TSHZ3: variants seen among roughly 807,000 people sequenced by gnomAD.
TSHZ3 encodes the protein teashirt zinc finger homeobox 3, also known as teashirt homolog 3.
TSHZ3 carries 10 observed loss-of-function variants against 64.5 expected under a neutral mutation model. That is an observed-to-expected ratio of 0.16 (90% CI 0.10 to 0.26). TSHZ3 has a LOEUF of 0.26. Ranked by LOEUF, TSHZ3 falls within the 10% of genes least tolerant of loss-of-function variation. The pLI, the probability that TSHZ3 is intolerant of heterozygous loss-of-function variation, is 1.00. For missense variants in TSHZ3, 1,242 were observed against 1,421.7 expected (o/e 0.87, Z 2.03); for synonymous variants, 608 against 593.1 (o/e 1.03, Z -0.36).
intron 4 of TSHZ3, among the ~76,000 whole-genome samples, chr19:31,216,746 C>T (rs978579402): frequency 1.6e-3 from 251 of 152,278 alleles, no homozygotes; most frequent in African/African-American, 5.7e-3. Context: ...ATGCGATTCT[C>T]CTGCCTCTCT....
chr19:31,196,533 A>G (rs1167236502), intron 5 of TSHZ3, among the ~76,000 whole-genome samples: 1 of 151,826 alleles, frequency 6.6e-6, no homozygotes, highest in African/African-American at 2.4e-5. Context: ...ACACATTGCC[A>G]GAGTGGATCA....
chr19:31,222,863 T>C (rs534122970), intron 4 of TSHZ3, among the ~76,000 whole-genome samples: 2 of 152,128 alleles, frequency 1.3e-5, no homozygotes, highest in South Asian at 4.2e-4. Flanking sequence ...CCCTATTCAC[T>C]TCAGAGGGTT....
At chr19:31,235,414 G>A (rs1267774993) in intron 3 of TSHZ3, among the ~76,000 whole-genome samples, 1 of 151,478 alleles carries the variant, frequency 6.6e-6, no homozygotes, top group Admixed American at 6.6e-5. Context: ...AACTGTTTTA[G>A]GTTCCACATA....
intron 1 of TSHZ3, among the ~76,000 whole-genome samples, chr19:31,312,331 C>T (rs1202922414): frequency 1.3e-5 from 2 of 152,160 alleles, no homozygotes; most frequent in Non-Finnish European, 2.9e-5. Context: ...CTGTGTTGTC[C>T]ATGGGGCTAT....
chr19:31,190,108 A>G (rs1974879297), intron 5 of TSHZ3, among the ~76,000 whole-genome samples: 1 of 152,150 alleles, frequency 6.6e-6, no homozygotes, highest in Non-Finnish European at 1.5e-5. Flanking sequence ...TCTGTTACCA[A>G]GTCTCACTAT....
intron 5 of TSHZ3, among the ~76,000 whole-genome samples, chr19:31,170,822 T>C (rs907751446): frequency 1.3e-5 from 2 of 152,244 alleles, no homozygotes; most frequent in African/African-American, 4.8e-5. Flanking sequence ...ACCCCATTAA[T>C]GGAGACGAGG....
chr19:31,224,245 C>G (rs1275427286), intron 4 of TSHZ3, among the ~76,000 whole-genome samples: 1 of 152,196 alleles, frequency 6.6e-6, no homozygotes, highest in Non-Finnish European at 1.5e-5. Context: ...GTATTGCTTT[C>G]TCCAACTGGG....
intron 3 of TSHZ3, among the ~76,000 whole-genome samples, chr19:31,229,981 G>C (rs938469491): frequency 3.9e-5 from 6 of 152,106 alleles, no homozygotes; most frequent in Admixed American, 2.0e-4. Flanking sequence ...TTGTTCTAGA[G>C]GGTAACTTGG....
intron 5 of TSHZ3, among the ~76,000 whole-genome samples, chr19:31,161,625 C>T (rs1279936430): frequency 1.3e-5 from 2 of 152,194 alleles, no homozygotes; most frequent in African/African-American, 4.8e-5. Flanking sequence ...TATCTGGAAA[C>T]CCCTCTGGGT....
chr19:31,221,994 G>C (rs1342662003), intron 4 of TSHZ3, among the ~76,000 whole-genome samples: 1 of 152,180 alleles, frequency 6.6e-6, no homozygotes, highest in Non-Finnish European at 1.5e-5. Context: ...GTCAGGAAGT[G>C]GTTGGAGCTC....
chr19:31,284,456 G>T (rs1976419902), intron 1 of TSHZ3, among the ~76,000 whole-genome samples: 1 of 152,070 alleles, frequency 6.6e-6, no homozygotes, highest in Non-Finnish European at 1.5e-5. Flanking sequence ...TTCCCACTGG[G>T]CTCGGAAGAA....
intron 3 of TSHZ3, among the ~76,000 whole-genome samples, chr19:31,238,100 A>G (rs116681887): frequency 0.015 from 2,276 of 152,280 alleles, 56 homozygotes; most frequent in African/African-American, 0.049. Flanking sequence ...AATGTCAATT[A>G]TATAAAAATT....
At position 31,227,261 on chromosome 19, in the gene TSHZ3, T is replaced by C. The variant is rs537616816; in HGVS notation, n.686+744A>G. 6.4e-4 allele frequency among the ~76,000 whole-genome samples: 97 copies of C among 152,182 alleles called. No individual in the cohort carries two copies. In the South Asian group the frequency reaches 0.012, roughly 19 times the overall value. On this transcript the variant is annotated intron_variant and non_coding_transcript_variant, in intron 4 of 6. Coordinates refer to the TSHZ3 transcript ENST00000651361. ...TCCCAGAGTGCTGGGATTACAGGAATGAGCCACCACGCCTAGCCCAAATAC... is the reference window on the plus strand; with the variant it reads ...TCCCAGAGTGCTGGGATTACAGGAACGAGCCACCACGCCTAGCCCAAATAC...
intron 5 of TSHZ3, among the ~76,000 whole-genome samples, chr19:31,172,789 T>A (rs1974554033): frequency 6.6e-6 from 1 of 152,160 alleles, no homozygotes; most frequent in Non-Finnish European, 1.5e-5. Flanking sequence ...GAGGAGAGGT[T>A]GAGCAAGGAT....
At chr19:31,156,280 C>T (rs565937111) in intron 6 of TSHZ3, among the ~76,000 whole-genome samples, 2 of 152,306 alleles carry the variant, frequency 1.3e-5, no homozygotes, top group South Asian at 4.1e-4. Context: ...ATATTGTTAA[C>T]TGAAAGAACA....
intron 1 of TSHZ3, among the ~76,000 whole-genome samples, chr19:31,334,296 T>C (rs1335289242): frequency 6.6e-6 from 1 of 152,192 alleles, no homozygotes; most frequent in East Asian, 1.9e-4. Context: ...GCCATTTTAC[T>C]ACAACCTCAG....
At chr19:31,199,131 C>T (rs1259156904) in intron 5 of TSHZ3, among the ~76,000 whole-genome samples, 1 of 152,082 alleles carries the variant, frequency 6.6e-6, no homozygotes, top group African/African-American at 2.4e-5. Context: ...CAGGGCCACG[C>T]ACGGTGACTC....
chr19:31,238,387 C>T (rs1438656521), intron 3 of TSHZ3, among the ~76,000 whole-genome samples: 1 of 151,824 alleles, frequency 6.6e-6, no homozygotes, highest in Non-Finnish European at 1.5e-5. Context: ...TCCTGAGTAG[C>T]TGGGATTACA....
At chr19:31,182,725 A>G (rs939310725) in intron 5 of TSHZ3, among the ~76,000 whole-genome samples, 7 of 152,286 alleles carry the variant, frequency 4.6e-5, no homozygotes, top group East Asian at 1.9e-4. Context: ...CACGTGTCCA[A>G]TGTGTTAAAA....
Sources: gnomAD v4.1 joint callset for allele counts (sites outside exome capture counted in the v4.1 genomes callset) on GRCh38, gnomAD v4.1.1 for gene constraint, MANE v1.5 for transcripts, NCBI Gene and HGNC (gene_info 2026-07-23, HGNC 2026-07-21) for gene names.